KCNMB2: variants seen among roughly 807,000 people sequenced by gnomAD.
The protein encoded by KCNMB2 is potassium calcium-activated channel subfamily M regulatory beta subunit 2, also known as calcium-activated potassium channel subunit beta-2.
In KCNMB2, 9 loss-of-function variants were observed where a neutral mutation model predicts 24.5. That is an observed-to-expected ratio of 0.37 (90% CI 0.22 to 0.64). KCNMB2 has a LOEUF of 0.64. Ranked by LOEUF, KCNMB2 falls within the 30% of genes least tolerant of loss-of-function variation. The pLI, the probability that KCNMB2 is intolerant of heterozygous loss-of-function variation, is 0.63. For missense variants in KCNMB2, 226 were observed against 284.3 expected, an observed-to-expected ratio of 0.79 and a Z score of 1.47; for synonymous variants, 109 against 104.4, an observed-to-expected ratio of 1.04 and a Z score of -0.27.
At chr3:178,556,924 G>C (rs935662023) in intron 1 of KCNMB2, among the ~76,000 whole-genome samples, 1 of 152,208 alleles carries the variant, frequency 6.6e-6, no homozygotes, top group Non-Finnish European at 1.5e-5. Context: ...CAGAACCATT[G>C]AGAAGATAAA....
At chr3:178,805,875 C>T (rs901938478) in intron 1 of KCNMB2, among the ~76,000 whole-genome samples, 2 of 152,008 alleles carry the variant, frequency 1.3e-5, no homozygotes. Context: ...TGGACTCAAG[C>T]GATCCTCCCT....
At chr3:178,547,382 T>C (rs962476861) in intron 1 of KCNMB2, among the ~76,000 whole-genome samples, 3 of 152,202 alleles carry the variant, frequency 2.0e-5, no homozygotes, top group African/African-American at 2.4e-5. Context: ...ATTTGAGATG[T>C]GGATAGAGAA....
At chr3:178,685,117 C>T (rs954480038) in intron 1 of KCNMB2, among the ~76,000 whole-genome samples, 1 of 152,148 alleles carries the variant, frequency 6.6e-6, no homozygotes, top group African/African-American at 2.4e-5. Flanking sequence ...GGGTGAGAGG[C>T]CACAAACTGA....
intron 1 of KCNMB2, among the ~76,000 whole-genome samples, chr3:178,544,619 A>T (rs1350005169): frequency 6.6e-6 from 1 of 152,204 alleles, no homozygotes; most frequent in East Asian, 1.9e-4. Flanking sequence ...TACATTTGCC[A>T]GCATTATACT....
chr3:178,641,566 T>C (rs1330179334), intron 1 of KCNMB2, among the ~76,000 whole-genome samples: 1 of 152,150 alleles, frequency 6.6e-6, no homozygotes, highest in East Asian at 1.9e-4. Flanking sequence ...CCAGGAGGGT[T>C]TCTTGTTGAT....
At chr3:178,708,650 C>G (rs1722355586) in intron 1 of KCNMB2, among the ~76,000 whole-genome samples, 1 of 152,112 alleles carries the variant, frequency 6.6e-6, no homozygotes, top group South Asian at 2.1e-4. Context: ...TGAGTGCTCC[C>G]TCTATACCAT....
chr3:178,571,447 G>GATATATATATATAT (rs71181237), intron 1 of KCNMB2, among the ~76,000 whole-genome samples: 10 of 91,110 alleles, frequency 1.1e-4, no homozygotes, highest in East Asian at 4.1e-4. Flanking sequence ...TTTCCTTATG[G>GATATATATATATAT]ATATATATAT....
intron 1 of KCNMB2, among the ~76,000 whole-genome samples, chr3:178,579,463 G>C (rs1215670360): frequency 1.3e-5 from 2 of 152,060 alleles, no homozygotes; most frequent in East Asian, 1.9e-4. Flanking sequence ...AAAAGAACTA[G>C]AGAAGCAAGA....
At chr3:178,772,071 G>A (rs1346836574) in intron 1 of KCNMB2, among the ~76,000 whole-genome samples, 1 of 152,014 alleles carries the variant, frequency 6.6e-6, no homozygotes, top group African/African-American at 2.4e-5. Context: ...GTTTATTAGT[G>A]AGGTCACTAA....
At chr3:178,542,011 T>G (rs149169942) in intron 1 of KCNMB2, among the ~76,000 whole-genome samples, 1 of 152,136 alleles carries the variant, frequency 6.6e-6, no homozygotes, top group South Asian at 2.1e-4. Context: ...GTTTATCCTG[T>G]GCAGTCTAAC....
At position 178,747,503 on chromosome 3, in the gene KCNMB2, A is replaced by C. The variant is rs115423471; in HGVS notation, c.-67-59840A>C. 7.8e-3 allele frequency among the ~76,000 whole-genome samples: 1,194 copies of C among 152,328 alleles called. 15 individuals are homozygous for C. The highest frequency in any genetic ancestry group is 0.028 in the African/African-American group (1,161 of 41,578). On this transcript the variant is annotated intron_variant, in intron 1 of 4. Coordinates refer to ENST00000452583, the MANE Select transcript of KCNMB2 (RefSeq NM_181361.3). ...AAATCCTCACAACAATCTTATAATG[A>C]AAATTATCTCCATTTTACTATTTAT...
chr3:178,588,468 G>A (rs112998761), intron 1 of KCNMB2, among the ~76,000 whole-genome samples: 3 of 152,188 alleles, frequency 2.0e-5, no homozygotes, highest in South Asian at 2.1e-4. Flanking sequence ...CACCTGTGTC[G>A]TGTCTATATA....
chr3:178,662,133 C>T (rs1720554462), intron 1 of KCNMB2, among the ~76,000 whole-genome samples: 1 of 152,178 alleles, frequency 6.6e-6, no homozygotes, highest in South Asian at 2.1e-4. Flanking sequence ...ATTATAAGCA[C>T]AGGTGTTTAT....
intron 1 of KCNMB2, among the ~76,000 whole-genome samples, chr3:178,548,201 A>G (rs1310864080): frequency 6.6e-6 from 1 of 152,102 alleles, no homozygotes; most frequent in Non-Finnish European, 1.5e-5. Flanking sequence ...TTGTAAAAAC[A>G]TCACTTCATG....
intron 1 of KCNMB2, among the ~76,000 whole-genome samples, chr3:178,546,017 G>A (rs1176377080): frequency 6.6e-6 from 1 of 151,808 alleles, no homozygotes; most frequent in Non-Finnish European, 1.5e-5. Context: ...CAAGGTAACT[G>A]TTTGCTTTGA....
chr3:178,694,035 AC>A (rs951410805), intron 1 of KCNMB2, among the ~76,000 whole-genome samples: 5 of 152,010 alleles, frequency 3.3e-5, no homozygotes, highest in Non-Finnish European at 5.9e-5. Flanking sequence ...ATAAAGACAT[AC>A]CCGACACTGG....
At position 178,582,772 on chromosome 3, in the gene KCNMB2, A is replaced by G. The variant is rs16829787; in HGVS notation, c.-68+46061A>G. On this transcript the variant is annotated intron_variant, in intron 1 of 4. Transcript: ENST00000452583. ...TTTCTTAGGCCTTCTAGAAATAGGA[A>G]GACTTTGCATATGATTTTGTTTATA... 3.7e-4 allele frequency among the ~76,000 whole-genome samples: 57 copies of G among 152,262 alleles called. 1 individual carries two copies. The highest frequency in any genetic ancestry group is 3.4e-3 in the Middle Eastern group (1 of 294).
intron 1 of KCNMB2, among the ~76,000 whole-genome samples, chr3:178,601,158 C>T (rs1449912506): frequency 1.5e-5 from 2 of 134,384 alleles, no homozygotes; most frequent in Non-Finnish European, 3.0e-5. Context: ...AACATATGGG[C>T]ACAGTGAGGG....
At chr3:178,784,161 C>T (rs1243545006) in intron 1 of KCNMB2, among the ~76,000 whole-genome samples, 1 of 152,198 alleles carries the variant, frequency 6.6e-6, no homozygotes, top group Non-Finnish European at 1.5e-5. Context: ...ATAACCAAAT[C>T]TGTTCTTTTG....
Sources: gnomAD v4.1 joint callset for allele counts (sites outside exome capture counted in the v4.1 genomes callset) on GRCh38, gnomAD v4.1.1 for gene constraint, MANE v1.5 for transcripts, NCBI Gene and HGNC (gene_info 2026-07-23, HGNC 2026-07-21) for gene names.